LMX1A: variants seen among roughly 807,000 people sequenced by gnomAD.
LMX1A encodes the protein LIM homeobox transcription factor 1 alpha.
LMX1A carries 15 observed loss-of-function variants against 49.1 expected under a neutral mutation model. That is an observed-to-expected ratio of 0.31 (90% CI 0.20 to 0.47). LMX1A has a LOEUF of 0.47. Among genes scored for constraint, LMX1A ranks in the 20% least tolerant of loss-of-function variants. LMX1A has a pLI of 1.00. For synonymous variants in LMX1A, 167 were observed against 185.7 expected (o/e 0.90, Z 0.82); for missense variants, 372 against 475.8 (o/e 0.78, Z 2.03).
At chr1:165,226,958 G>T (rs994898653) in intron 4 of LMX1A, among the ~76,000 whole-genome samples, 2 of 152,180 alleles carry the variant, frequency 1.3e-5, no homozygotes, top group Non-Finnish European at 2.9e-5. Flanking sequence ...ACAGTCTGGT[G>T]GAGGAGAAGA....
chr1:165,288,165 T>C (rs1176976949), intron 3 of LMX1A, among the ~76,000 whole-genome samples: 2 of 152,200 alleles, frequency 1.3e-5, no homozygotes, highest in African/African-American at 4.8e-5. Flanking sequence ...TTTATGCCCT[T>C]CCCAAGGGGT....
chr1:165,291,097 T>C (rs150318471), intron 3 of LMX1A, among the ~76,000 whole-genome samples: 2 of 152,338 alleles, frequency 1.3e-5, no homozygotes, highest in African/African-American at 4.8e-5. Context: ...TCTAAGATTA[T>C]TACCATTAAC....
At chr1:165,206,294 C>G (rs1459996344) in intron 7 of LMX1A, among the ~76,000 whole-genome samples, 1 of 152,150 alleles carries the variant, frequency 6.6e-6, no homozygotes, top group Non-Finnish European at 1.5e-5. Flanking sequence ...TTGGCAGTCA[C>G]TAGAATAGAT....
Position 165,355,600 on chromosome 1 carries a change from G to A in LMX1A, c.-22-19C>T, listed in dbSNP as rs377691390. On this transcript the variant is annotated intron_variant, in intron 1 of 8. Transcript: ENST00000342310. This position sits in a 1 kb window ranked among gnomAD's most constrained non-coding sequence, Gnocchi z 4.7. ...GGAGGACCTGTAGAGGAGAAGAAACGATGCGTCTGACGTCCGTGCCCGCTG... is the reference window on the plus strand; with the variant it reads ...GGAGGACCTGTAGAGGAGAAGAAACAATGCGTCTGACGTCCGTGCCCGCTG... The A allele has an allele frequency of 1.5e-4, 240 of 1,589,994 alleles. No homozygotes were observed. The highest frequency in any genetic ancestry group is 2.0e-4 in the Non-Finnish European group (230 of 1,162,088).
chr1:165,239,331 A>G (rs1321940979), intron 4 of LMX1A, among the ~76,000 whole-genome samples: 1 of 152,232 alleles, frequency 6.6e-6, no homozygotes, highest in African/African-American at 2.4e-5. Context: ...CTTTTTAAGC[A>G]CTAAAGATAA....
At chr1:165,292,810 C>T (rs1346078756) in intron 3 of LMX1A, among the ~76,000 whole-genome samples, 4 of 152,116 alleles carry the variant, frequency 2.6e-5, no homozygotes, top group Non-Finnish European at 5.9e-5. Context: ...GTGTCACATT[C>T]ATTGTCTTCA....
Position 165,288,696 on chromosome 1 carries a change from G to C in LMX1A, c.264-39056C>G, listed in dbSNP as rs565597586. On this transcript the variant is annotated intron_variant, in intron 3 of 8. Transcript: ENST00000342310. ...TCTGTATGAGGTACACCGTGTGTGT[G>C]TGCGTGTGTATGCGTGTTTGCGCGC... Among the ~76,000 whole-genome samples the C allele has an allele frequency of 5.3e-5, 8 of 152,354 alleles. No homozygotes were observed. The South Asian group carries it at 1.7e-3, about 32-fold the overall frequency.
chr1:165,264,440 A>G (rs573526967), intron 3 of LMX1A, among the ~76,000 whole-genome samples: 4 of 152,210 alleles, frequency 2.6e-5, no homozygotes, highest in Non-Finnish European at 4.4e-5. Flanking sequence ...ACACACATAC[A>G]TGCTGCCTTA....
At chr1:165,225,857 C>T (rs977502400) in intron 4 of LMX1A, among the ~76,000 whole-genome samples, 1 of 152,244 alleles carries the variant, frequency 6.6e-6, no homozygotes, top group Admixed American at 6.5e-5. Context: ...ACTCCCACCC[C>T]TGCAGGTGCA....
In LMX1A at chr1:165,206,006, C is replaced by T. The variant is rs1248411890; in HGVS notation, c.846G>A (p.Gly282=). ...SAQTNGGGSA[G]MEGIMNPYTA... ...TGTAGGGGTTCATGATTCCTTCCAT[C>T]CCAGCACTCCCACCACCGTTTGTCT... The change falls in exon 8 of 9, where the codon GGG becomes GGA. Residue 282 remains glycine, a synonymous_variant. Coordinates refer to ENST00000342310, the MANE Select transcript of LMX1A (RefSeq NM_177398.4). The T allele has an allele frequency of 6.3e-7, 1 of 1,583,974 alleles. No homozygotes were observed. The highest frequency in any genetic ancestry group is 1.8e-5 in the Admixed American group (1 of 55,650).
intron 3 of LMX1A, among the ~76,000 whole-genome samples, chr1:165,340,714 C>A (rs1656048025): frequency 6.6e-6 from 1 of 152,174 alleles, no homozygotes; most frequent in Non-Finnish European, 1.5e-5. Flanking sequence ...ACTGTCCCAC[C>A]AGTAACTTAG....
chr1:165,204,630 A>G (rs1650996599), intron 8 of LMX1A, among the ~76,000 whole-genome samples: 1 of 152,222 alleles, frequency 6.6e-6, no homozygotes, highest in South Asian at 2.1e-4. Context: ...CAGGATCTGG[A>G]GGCAAAGAAT....
At chr1:165,312,042 T>G (rs1349907980) in intron 3 of LMX1A, among the ~76,000 whole-genome samples, 1 of 152,220 alleles carries the variant, frequency 6.6e-6, no homozygotes, top group Non-Finnish European at 1.5e-5. Context: ...TATTCTTTAT[T>G]CAACTCTGAC....
chr1:165,278,385 A>C (rs576309704), intron 3 of LMX1A, among the ~76,000 whole-genome samples: 2 of 152,304 alleles, frequency 1.3e-5, no homozygotes, highest in Admixed American at 1.3e-4. Context: ...TCCAGGAAAA[A>C]ATGAAGTTTC....
chr1:165,323,133 T>C (rs1655470301), intron 3 of LMX1A, among the ~76,000 whole-genome samples: 1 of 152,204 alleles, frequency 6.6e-6, no homozygotes, highest in Admixed American at 6.5e-5. Flanking sequence ...AGTCAACTTT[T>C]CCAAGCCTCA....
intron 3 of LMX1A, among the ~76,000 whole-genome samples, chr1:165,266,632 C>T (rs1167444475): frequency 1.1e-4 from 13 of 114,128 alleles, no homozygotes; most frequent in African/African-American, 4.1e-4. Context: ...GACAGGGTCT[C>T]GCTCTCTCGC....
intron 3 of LMX1A, among the ~76,000 whole-genome samples, chr1:165,265,415 G>C (rs1332468212): frequency 1.3e-5 from 2 of 152,170 alleles, no homozygotes; most frequent in Non-Finnish European, 2.9e-5. Context: ...CTAGAGCCAG[G>C]CACAAGGGCA....
chr1:165,228,841 G>C (rs771746111), intron 4 of LMX1A, among the ~76,000 whole-genome samples: 66 of 152,252 alleles, frequency 4.3e-4, no homozygotes, highest in Middle Eastern at 6.8e-3. Flanking sequence ...GGCCAGAAAT[G>C]ACTTTAAAGG....
Position 165,300,849 on chromosome 1 carries a change from T to C in LMX1A, c.264-51209A>G, listed in dbSNP as rs1654754768. 1.3e-5 allele frequency among the ~76,000 whole-genome samples: 2 copies of C among 152,184 alleles called. 1 individual carries two copies. The highest frequency in any genetic ancestry group is 1.3e-4 in the Admixed American group (2 of 15,268). ...CCTGCCTGCTTCTCCTCATTCATGATTCCCAGGATGTCTGTGAACCCAGGT... is the reference window on the plus strand; with the variant it reads ...CCTGCCTGCTTCTCCTCATTCATGACTCCCAGGATGTCTGTGAACCCAGGT... On this transcript the variant is annotated intron_variant, in intron 3 of 8. Coordinates refer to ENST00000342310, the MANE Select transcript of LMX1A (RefSeq NM_177398.4).
Sources: gnomAD v4.1 joint callset for allele counts (sites outside exome capture counted in the v4.1 genomes callset) on GRCh38, gnomAD v4.1.1 for gene constraint, Gnocchi (gnomAD v3.1) non-coding constraint, MANE v1.5 for transcripts, NCBI Gene and HGNC (gene_info 2026-07-23, HGNC 2026-07-21) for gene names.